Variants in ZFHX3 observed in about 807,000 individuals in gnomAD.
The protein encoded by ZFHX3 is zinc finger homeobox protein 3.
Under a neutral mutation model 279.1 loss-of-function variants are expected in ZFHX3, and 42 were observed. The observed-to-expected ratio is 0.15, with a 90% confidence interval of 0.12 to 0.19. The LOEUF (loss-of-function observed/expected upper bound fraction) is 0.19, where lower values mean the gene tolerates loss of function less well. Among genes scored for constraint, ZFHX3 ranks in the 10% least tolerant of loss-of-function variants. The pLI is 1.00. For missense variants in ZFHX3, 4,981 were observed against 4,754.0 expected, an observed-to-expected ratio of 1.05 and a Z score of -1.40; for synonymous variants, 2,293 against 1,957.8, an observed-to-expected ratio of 1.17 and a Z score of -4.52.
intron 7 of ZFHX3, among the ~76,000 whole-genome samples, chr16:73,117,292 T>C (rs1465675605): frequency 1.3e-5 from 2 of 152,346 alleles, no homozygotes; most frequent in African/African-American, 4.8e-5. Flanking sequence ...CCATAAATAC[T>C]GTTGTATAAT....
chr16:73,281,679 C>T (rs770125296), intron 4 of ZFHX3, among the ~76,000 whole-genome samples: 1 of 152,122 alleles, frequency 6.6e-6, no homozygotes, highest in Non-Finnish European at 1.5e-5. Flanking sequence ...TGAGAGGTGA[C>T]AGATATGTTT....
chr16:73,096,161 ACTGC>A (rs538399561), intron 7 of ZFHX3, among the ~76,000 whole-genome samples: 4 of 152,072 alleles, frequency 2.6e-5, no homozygotes, highest in East Asian at 1.9e-4. Flanking sequence ...GAAACTCTTT[ACTGC>A]CTGCCTGCCT....
chr16:73,099,924 C>T (rs1966211042), intron 7 of ZFHX3, among the ~76,000 whole-genome samples: 1 of 152,104 alleles, frequency 6.6e-6, no homozygotes, highest in Non-Finnish European at 1.5e-5. Flanking sequence ...GGGGCCTTCT[C>T]AGTGGAATCC....
At chr16:72,948,720 C>A (rs545856785) in intron 3 of ZFHX3, among the ~76,000 whole-genome samples, 1 of 152,292 alleles carries the variant, frequency 6.6e-6, no homozygotes, top group South Asian at 2.1e-4. Context: ...CTCTAAACGA[C>A]CTTCATCAAA....
chr16:72,869,000 T>C (rs1455004395), intron 4 of ZFHX3, among the ~76,000 whole-genome samples: 1 of 152,132 alleles, frequency 6.6e-6, no homozygotes, highest in Non-Finnish European at 1.5e-5. Context: ...AAAATCCAAA[T>C]AACAGAGAAA....
intron 5 of ZFHX3, among the ~76,000 whole-genome samples, chr16:72,824,323 T>G (rs898203439): frequency 6.6e-6 from 1 of 152,150 alleles, no homozygotes; most frequent in Non-Finnish European, 1.5e-5. Context: ...ATAGCAATCT[T>G]CTATAGATTC....
At chr16:73,570,484 C>G (rs551403729) in intron 2 of ZFHX3, among the ~76,000 whole-genome samples, 1 of 152,232 alleles carries the variant, frequency 6.6e-6, no homozygotes, top group African/African-American at 2.4e-5. Context: ...TGTAAAAATT[C>G]CATCTCATCA....
rs867187840 is a variant in ZFHX3 at position 73,391,359 on chromosome 16, G to A, written c.-1291+64644C>T. 2.0e-5 allele frequency among the ~76,000 whole-genome samples: 3 copies of A among 151,910 alleles called. No individual in the cohort carries two copies. In the South Asian group the frequency reaches 6.3e-4, roughly 32 times the overall value. On this transcript the variant is annotated intron_variant, in intron 3 of 17. Transcript: ENST00000641206. ...AATCCCAGCTACTCAGGAGGCTCAG[G>A]CAGAACTGCTTGAACCCAGGAGGCA...
At chr16:73,251,708 CACAT>C (rs543914687) in intron 5 of ZFHX3, among the ~76,000 whole-genome samples, 105 of 128,516 alleles carry the variant, frequency 8.2e-4, no homozygotes, top group African/African-American at 2.6e-3. Flanking sequence ...CATGCACACA[CACAT>C]ACACACCACA....
chr16:73,769,588 C>T (rs1395316091), intron 1 of ZFHX3, among the ~76,000 whole-genome samples: 1 of 152,096 alleles, frequency 6.6e-6, no homozygotes, highest in Non-Finnish European at 1.5e-5. Context: ...TACAGAAAAT[C>T]AATGACAATC....
chr16:73,389,086 T>A (rs530774861), intron 3 of ZFHX3: 2 of 152,210 alleles, frequency 1.3e-5, no homozygotes, highest in Non-Finnish European at 2.9e-5. Context: ...ATATTGTATA[T>A]CAGTGTGACA....
intron 3 of ZFHX3, among the ~76,000 whole-genome samples, chr16:73,356,104 G>C (rs539266954): frequency 8.5e-5 from 13 of 152,320 alleles, no homozygotes; most frequent in Admixed American, 5.2e-4. Context: ...TCCAGGCCAA[G>C]AATAATACAG....
chr16:72,982,222 A>C (rs1455193622), intron 1 of ZFHX3, among the ~76,000 whole-genome samples: 2 of 152,114 alleles, frequency 1.3e-5, no homozygotes, highest in African/African-American at 2.4e-5. Context: ...GACCTCTAAC[A>C]ATCTTTTTAA....
intron 2 of ZFHX3, among the ~76,000 whole-genome samples, chr16:73,472,517 C>T (rs1354986604): frequency 6.6e-6 from 1 of 152,136 alleles, no homozygotes; most frequent in African/African-American, 2.4e-5. Context: ...GGAGAAATAG[C>T]CTCTTGAGTT....
Position 72,786,934 on chromosome 16 carries a change from C to CT in ZFHX3, c.*229dup, listed in dbSNP as rs373880184. On this transcript the variant is annotated 3_prime_UTR_variant, in exon 10 of 10. Transcript: ENST00000268489. ...AGGACACAATGTAACAGGGTTAGGG[C>CT]TTTTTTTTTTTTTTTAATATTAAAA... 2,884 of 207,562 alleles carry CT rather than the reference C, an allele frequency of 0.014. 1 individual carries two copies. Among genetic ancestry groups the CT allele is most frequent in the East Asian group, 0.015 (158 of 10,580 alleles). The allele number at this position is 207,562 out of a possible 1,614,324, so 12.9% of individuals were successfully genotyped here.
Position 73,486,120 on chromosome 16 carries a change from G to T in ZFHX3, c.-1546-29862C>A, listed in dbSNP as rs540872433. Reference sequence around the variant, plus strand: ...ATTGAGGCAGCAGAATGGGTCTGAAGGCGGGGAACATAAGGCTGATTCATG... The same window carrying T: ...ATTGAGGCAGCAGAATGGGTCTGAATGCGGGGAACATAAGGCTGATTCATG... On this transcript the variant is annotated intron_variant, in intron 2 of 17. Transcript: ENST00000641206. 2.0e-5 allele frequency among the ~76,000 whole-genome samples: 3 copies of T among 152,346 alleles called. No homozygotes were observed. The East Asian group carries it at 5.8e-4, about 29-fold the overall frequency.
chr16:73,486,866 G>A (rs533209074), intron 2 of ZFHX3: 3 of 456,034 alleles, frequency 6.6e-6, no homozygotes, highest in South Asian at 4.6e-5. Context: ...CCTGGAGCAA[G>A]ACCACTTCAA....
intron 2 of ZFHX3, among the ~76,000 whole-genome samples, chr16:73,476,126 G>A (rs2018761142): frequency 6.6e-6 from 1 of 152,048 alleles, no homozygotes; most frequent in African/African-American, 2.4e-5. Context: ...CTGTTTGCAA[G>A]CTTCATTTTC....
chr16:73,159,765 A>T (rs545713568), intron 5 of ZFHX3, among the ~76,000 whole-genome samples: 1 of 152,188 alleles, frequency 6.6e-6, no homozygotes, highest in East Asian at 1.9e-4. Flanking sequence ...TTATTATATT[A>T]TCATTATTAT....
Sources: allele counts gnomAD v4.1 joint callset (sites outside exome capture counted in the v4.1 genomes callset), GRCh38; gene constraint gnomAD v4.1.1; transcripts MANE v1.5; gene names NCBI Gene and HGNC (gene_info 2026-07-23, HGNC 2026-07-21).